Variants in NBEAL1 observed in about 807,000 individuals in gnomAD.
The protein encoded by NBEAL1 is neurobeachin like 1.
Under a neutral mutation model 351.3 loss-of-function variants are expected in NBEAL1, and 273 were observed. That is an observed-to-expected ratio of 0.78 (90% CI 0.70 to 0.86). NBEAL1 has a LOEUF of 0.86. Among genes scored for constraint, NBEAL1 ranks in the 40% least tolerant of loss-of-function variants. The probability of loss-of-function intolerance (pLI) is 0.00; values close to 1 mark genes in which losing one functional copy is unlikely to be tolerated. For missense variants in NBEAL1, 2,961 were observed against 3,201.3 expected (o/e 0.92, Z 1.81); for synonymous variants, 1,050 against 1,086.4 (o/e 0.97, Z 0.66).
At chr2:203,205,056 C>G (rs1575127041) in intron 51 of NBEAL1, among the ~76,000 whole-genome samples, 1 of 151,880 alleles carries the variant, frequency 6.6e-6, no homozygotes, top group East Asian at 1.9e-4. Context: ...AGTGAGCATC[C>G]CCGCCTTATA....
At chr2:203,100,710 G>C (rs569541718) in intron 12 of NBEAL1, among the ~76,000 whole-genome samples, 29 of 151,890 alleles carry the variant, frequency 1.9e-4, no homozygotes, top group South Asian at 1.5e-3. Context: ...CCACAGCCCG[G>C]CTAATTTTTG....
chr2:203,016,598 G>A (rs2060684695), intron 2 of NBEAL1, among the ~76,000 whole-genome samples, 163 bp downstream of exon 2: 1 of 152,042 alleles, frequency 6.6e-6, no homozygotes, highest in Non-Finnish European at 1.5e-5. Flanking sequence ...CTCTTTTTCA[G>A]GTTTGAACAC....
rs1300281136 is a variant in NBEAL1 at position 203,136,053 on chromosome 2, C to T, written c.4190C>T (p.Pro1397Leu). 4.3e-6 allele frequency: 7 copies of T among 1,613,760 alleles called. No individual in the cohort carries two copies. Among genetic ancestry groups the T allele is most frequent in the Non-Finnish European group, 3.4e-6 (4 of 1,179,906 alleles). ...CAAGAGGAATTCTGGCATAGTAACC[C>T]TTCACATTTGAGTTTAGACCTCAGT... ...ENQEEFWHSNPSHLSLDLSGI... is the reference protein window; with the variant it reads ...ENQEEFWHSNLSHLSLDLSGI... The change falls in exon 28 of 56, where the codon CCT becomes CTT. Residue 1397 changes from proline (P) to leucine (L), a missense_variant. Transcript: ENST00000683969.
intron 6 of NBEAL1, 52 bp downstream of exon 6, chr2:203,057,505 T>C (rs2061423441): frequency 4.8e-6 from 7 of 1,462,258 alleles, no homozygotes; most frequent in Middle Eastern, 1.8e-4. Flanking sequence ...TCATAATATA[T>C]TTGATTCTTC....
intron 23 of NBEAL1, among the ~76,000 whole-genome samples, chr2:203,127,481 C>T (rs1214270901): frequency 5.9e-5 from 9 of 152,092 alleles, no homozygotes; most frequent in South Asian, 4.1e-4. Flanking sequence ...CCCAGCACTT[C>T]GGGAGGCTGA....
chr2:203,147,528 T>C (rs2106344480), intron 33 of NBEAL1, among the ~76,000 whole-genome samples: 1 of 152,216 alleles, frequency 6.6e-6, no homozygotes, highest in African/African-American at 2.4e-5. Flanking sequence ...AAGACCTAAA[T>C]AAATACAGAT....
chr2:203,191,224 C>T (rs958400175), intron 46 of NBEAL1: 5 of 1,536,104 alleles, frequency 3.3e-6, no homozygotes, highest in Non-Finnish European at 4.5e-6. Flanking sequence ...CCGCCATCCT[C>T]ATGACATCAT....
chr2:203,187,207 G>A (rs12617141), intron 44 of NBEAL1, among the ~76,000 whole-genome samples: 44,678 of 151,148 alleles, frequency 0.3, 7,220 homozygotes, highest in East Asian at 0.6. Flanking sequence ...TGGGACTGTA[G>A]GTGCAATACC....
intron 44 of NBEAL1, among the ~76,000 whole-genome samples, chr2:203,183,973 G>C (rs2064811996): frequency 6.6e-6 from 1 of 151,364 alleles, no homozygotes; most frequent in Admixed American, 6.6e-5. Flanking sequence ...AGCTACTCAG[G>C]AGGCTGAGGC....
rs147796889 is a variant in NBEAL1 at position 203,222,712 on chromosome 2, G to A, written c.*5358G>A. On this transcript the variant is annotated 3_prime_UTR_variant, in exon 56 of 56. Transcript: ENST00000683969. The stretch of plus-strand genomic sequence containing the variant: ...AACTTGAATTAGGCAACATTTTAAA[G>A]AAGAAAAAAACATGACTAACATGCT... Among the ~76,000 whole-genome samples, 1 of 151,970 alleles carries A rather than the reference G, an allele frequency of 6.6e-6. No homozygotes were observed. Among genetic ancestry groups the A allele is most frequent in the African/African-American group, 2.4e-5 (1 of 41,500 alleles).
intron 15 of NBEAL1, among the ~76,000 whole-genome samples, chr2:203,111,416 G>A (rs937346272): frequency 6.6e-6 from 1 of 151,834 alleles, no homozygotes; most frequent in African/African-American, 2.4e-5. Flanking sequence ...CTGTCACCAA[G>A]GCTGGAGTCA....
chr2:203,210,583 G>T (rs1024089535), intron 53 of NBEAL1, among the ~76,000 whole-genome samples: 2 of 151,906 alleles, frequency 1.3e-5, no homozygotes, highest in Admixed American at 1.3e-4. Flanking sequence ...AGAATGGTGT[G>T]AACCTGGGAG....
chr2:203,193,973 C>G, intron 47 of NBEAL1, 62 bp downstream of exon 47: 1 of 912,482 alleles, frequency 1.1e-6, no homozygotes, highest in South Asian at 1.6e-5. Context: ...TTTTAAAGTT[C>G]TTTTATTATT....
intron 53 of NBEAL1, among the ~76,000 whole-genome samples, chr2:203,210,362 CAAA>C (rs35856692): frequency 5.0e-5 from 5 of 100,448 alleles, no homozygotes; most frequent in Admixed American, 1.1e-4. Flanking sequence ...GACATGGCCT[CAAA>C]AAAAAAAAAA....
rs1254289071 is a variant in NBEAL1, at chr2:203,125,410, G to A, written c.2741G>A (p.Ser914Asn). 30 of 1,548,126 alleles carry A rather than the reference G, an allele frequency of 1.9e-5. No individual in the cohort carries two copies. Among genetic ancestry groups the A allele is most frequent in the Non-Finnish European group, 2.5e-5 (29 of 1,145,422 alleles). Residue 914 changes from serine to asparagine, a missense_variant, in exon 20 of 56, where the codon AGC (serine) becomes AAC (asparagine). Physicochemically the swap from Ser to Asn is conservative, Grantham distance 46. Coordinates refer to ENST00000683969, the MANE Select transcript of NBEAL1 (RefSeq NM_001378026.1). ...CTCTTTCCTTTATTGGAACAAATCAGCCACTTTAGTGAAGGACAGATTCCT... is the reference window on the plus strand; with the variant it reads ...CTCTTTCCTTTATTGGAACAAATCAACCACTTTAGTGAAGGACAGATTCCT... ...NVLFPLLEQI[S>N]HFSEGQIPEE...
At position 203,136,091 on chromosome 2, in the gene NBEAL1, T is replaced by C; in HGVS notation, c.4228T>C (p.Cys1410Arg). 6.2e-7 allele frequency: 1 copy of C among 1,614,108 alleles called. No homozygotes were observed. Among genetic ancestry groups the C allele is most frequent in the Non-Finnish European group, 8.5e-7 (1 of 1,179,990 alleles). The part of the protein sequence containing the change: ...LSLDLSGIDS[C>R]EMSDSGSQVP... ...TTTAGACCTCAGTGGAATTGACTCATGTGAAATGAGTGATAGTGGAAGTCA... is the reference window on the plus strand; with the variant it reads ...TTTAGACCTCAGTGGAATTGACTCACGTGAAATGAGTGATAGTGGAAGTCA... Residue 1410 changes from cysteine (C) to arginine (R), a missense_variant, in exon 28 of 56, where the codon TGT becomes CGT. Cys to Arg is a radical substitution (Grantham distance 180, BLOSUM62 -3). Transcript: ENST00000683969.
rs753612555 is a variant in NBEAL1, at chr2:203,062,283, C to A, written c.515+4830C>A. On this transcript the variant is annotated intron_variant, in intron 6 of 55. Transcript: ENST00000683969. The surrounding 1 kb of genome is among the most constrained non-coding windows in gnomAD (Gnocchi z 4.2). ...CTTCCCATTTGTTTTCTGTAGAAGC[C>A]AAATTCCTGAAGGTTTCCTGCGTCA... 1 of 468,944 alleles carries A rather than the reference C, an allele frequency of 2.1e-6. No individual in the cohort carries two copies. Among genetic ancestry groups the A allele is most frequent in the South Asian group, 1.5e-5 (1 of 65,554 alleles). The allele number at this position is 468,944 out of a possible 1,614,324, so 29.0% of individuals were successfully genotyped here. A position where few individuals can be genotyped will look rare whatever the true frequency, so the allele number is the denominator to read the frequency against.
chr2:203,090,675 G>A (rs985032580), intron 10 of NBEAL1, among the ~76,000 whole-genome samples: 4 of 152,114 alleles, frequency 2.6e-5, no homozygotes. Context: ...GATCACTTGA[G>A]TTCAGGAGTT....
chr2:203,186,241 G>A (rs1463713973), intron 44 of NBEAL1, among the ~76,000 whole-genome samples: 4 of 152,214 alleles, frequency 2.6e-5, no homozygotes, highest in Non-Finnish European at 4.4e-5. Flanking sequence ...TCTGCATTAA[G>A]GCTTGAGGCC....
Sources: gnomAD v4.1 joint callset for allele counts (sites outside exome capture counted in the v4.1 genomes callset) on GRCh38, gnomAD v4.1.1 for gene constraint, Gnocchi (gnomAD v3.1) non-coding constraint, MANE v1.5 for transcripts, NCBI Gene and HGNC (gene_info 2026-07-23, HGNC 2026-07-21) for gene names.